Variants in CDC42BPG observed in about 807,000 individuals in gnomAD.
CDC42BPG encodes the protein serine/threonine-protein kinase MRCK gamma.
Under a neutral mutation model 192.2 loss-of-function variants are expected in CDC42BPG, and 157 were observed. The observed-to-expected ratio is 0.82, with a 90% CI of 0.72 to 0.93. The LOEUF (loss-of-function observed/expected upper bound fraction) is 0.93. CDC42BPG is among the 40% of genes least tolerant of loss of function. CDC42BPG has a pLI of 0.00. For synonymous variants in CDC42BPG, 981 were observed against 918.5 expected, an observed-to-expected ratio of 1.07 and a Z score of -1.23; for missense variants, 1,992 against 2,122.1, an observed-to-expected ratio of 0.94 and a Z score of 1.20.
intron 3 of CDC42BPG, 29 bp from the exon 4 acceptor site, chr11:64,840,677 G>C: frequency 3.1e-6 from 5 of 1,605,254 alleles, no homozygotes; most frequent in Non-Finnish European, 3.4e-6. Context: ...AGTAAGGGGT[G>C]GGGTGGGATC....
intron 36 of CDC42BPG, among the ~76,000 whole-genome samples, chr11:64,825,128 G>A (rs541852490): frequency 5.7e-4 from 87 of 152,188 alleles, no homozygotes; most frequent in Non-Finnish European, 1.0e-3. Flanking sequence ...TGTTGGCCAG[G>A]CTGGTCTTGA....
Position 64,824,381 on chromosome 11 carries a change from G to T in CDC42BPG, c.*92C>A. The T allele has an allele frequency of 1.0e-6, 1 of 953,068 alleles. No homozygotes were observed. The highest frequency in any genetic ancestry group is 1.7e-6 in the Non-Finnish European group (1 of 575,934). The allele number at this position is 953,068 out of a possible 1,614,324, so 59.0% of individuals were successfully genotyped here. On this transcript the variant is annotated 3_prime_UTR_variant, in exon 37 of 37. Transcript: ENST00000342711. ...GTCCTCCCTGAGTCCGAATTTCCAT[G>T]TCCCGGACCAGCCGGAGTATGGCAT...
At chr11:64,841,042 T>G (rs1206879624) in intron 3 of CDC42BPG, among the ~76,000 whole-genome samples, 1 of 151,976 alleles carries the variant, frequency 6.6e-6, no homozygotes, top group East Asian at 1.9e-4. Context: ...TCCCAGCTAC[T>G]TGGGAGGCTG....
chr11:64,832,681 T>G lies in CDC42BPG; in HGVS notation c.2928A>C (p.Ser976=). Reference sequence around the variant, plus strand: ...CAGGGGCGTCAAACAGCAGCAGGCGTGAGTCACTCAGGGCAGCAAACACGC... The same window carrying G: ...CAGGGGCGTCAAACAGCAGCAGGCGGGAGTCACTCAGGGCAGCAAACACGC... ...WQRVFAALSD[S]RLLLFDAPDL... The change falls in exon 26 of 37, where the codon TCA becomes TCC. Residue 976 remains serine (S), a synonymous_variant. Transcript: ENST00000342711. 1 of 1,613,490 alleles carries G rather than the reference T, an allele frequency of 6.2e-7. No homozygotes were observed. Among genetic ancestry groups the G allele is most frequent in the Non-Finnish European group, 8.5e-7 (1 of 1,179,936 alleles).
intron 27 of CDC42BPG, among the ~76,000 whole-genome samples, chr11:64,832,146 G>C (rs1357979122): frequency 6.6e-6 from 1 of 152,242 alleles, no homozygotes; most frequent in Non-Finnish European, 1.5e-5. Context: ...AGCAAGGTGT[G>C]ACCAGAGCAG....
At chr11:64,835,017 T>TAC in intron 17 of CDC42BPG, 30 bp downstream of exon 17, 10 of 1,571,804 alleles carry the variant, frequency 6.4e-6, no homozygotes, top group Non-Finnish European at 8.7e-6. Flanking sequence ...TCGCCTGCGT[T>TAC]CCCCACCCCG....
rs780721371 is a variant in CDC42BPG, at chr11:64,839,154, T to G, written c.755A>C (p.His252Pro). The change falls in exon 7 of 37, where the codon CAC becomes CCC. Residue 252 changes from histidine (H) to proline (P), a missense_variant. By Grantham distance (77) the His-to-Pro change is moderately conservative (BLOSUM62 -2). Transcript: ENST00000342711. Reference protein sequence around the residue: ...ILQAMEEGKGHYGPQCDWWSL... With the variant: ...ILQAMEEGKGPYGPQCDWWSL... ...CCACCAGTCACACTGTGGGCCGTAG[T>G]GGCCCTTGCCCTCCTCCATGGCCTG... The G allele has an allele frequency of 9.3e-6, 15 of 1,613,508 alleles. No homozygotes were observed. In the Middle Eastern group the frequency reaches 2.1e-3, roughly 231 times the overall value.
chr11:64,835,484 C>G lies in CDC42BPG; in HGVS notation c.1880+16G>C. On this transcript the variant is annotated intron_variant, in intron 15 of 36. Coordinates refer to ENST00000342711, the MANE Select transcript of CDC42BPG (RefSeq NM_017525.3). ...GCCAGGCCCGGCCCCTCCCTGCCAC[C>G]AGCTGCCTGGCTCACCTGTGGCTGT... The G allele has an allele frequency of 6.2e-7, 1 of 1,606,484 alleles. No homozygotes were observed. Among genetic ancestry groups the G allele is most frequent in the Non-Finnish European group, 8.5e-7 (1 of 1,177,766 alleles).
chr11:64,835,017 T>TG (rs1942908943), intron 17 of CDC42BPG, 30 bp downstream of exon 17: 232 of 1,571,152 alleles, frequency 1.5e-4, no homozygotes, highest in Non-Finnish European at 1.8e-4. Context: ...TCGCCTGCGT[T>TG]CCCCACCCCG....
chr11:64,824,784 G>A (rs962281344), intron 36 of CDC42BPG, among the ~76,000 whole-genome samples: 2 of 151,792 alleles, frequency 1.3e-5, no homozygotes, highest in African/African-American at 4.8e-5. Flanking sequence ...TTGCTCTGTC[G>A]CCTAGCCTGG....
At chr11:64,840,097 G>C (rs762346763) in intron 5 of CDC42BPG, 23 bp downstream of exon 5, 4 of 1,603,546 alleles carry the variant, frequency 2.5e-6, no homozygotes, top group Non-Finnish European at 3.4e-6. Context: ...GGGTTGGGCA[G>C]GGCAGCGGGG....
chr11:64,829,513 G>A lies in CDC42BPG; in HGVS notation c.3925C>T (p.Arg1309Cys), dbSNP rs376243853. Residue 1309 changes from arginine (R) to cysteine (C), a missense_variant, in exon 30 of 37, where the codon CGT (arginine) becomes TGT (cysteine). By Grantham distance (180) the Arg-to-Cys change is radical. This residue lies in a region of CDC42BPG where 1,656 missense variants were observed against 1,844.3 expected (regional missense o/e 0.90). Transcript: ENST00000342711. ...IYVDGAGRKSRGHELLWPAAP... is the reference protein window; with the variant it reads ...IYVDGAGRKSCGHELLWPAAP... ...GCTGGCCACAACAGCTCGTGGCCAC[G>A]AGACTTGCGGCCTGCGCCATCCACG... The A allele has an allele frequency of 2.0e-5, 32 of 1,612,814 alleles. No homozygotes were observed. The highest frequency in any genetic ancestry group is 1.6e-4 in the African/African-American group (12 of 74,948).
At position 64,831,628 on chromosome 11, in the gene CDC42BPG, G is replaced by A. The variant is rs1207533607; in HGVS notation, c.3181C>T (p.Leu1061=). The change falls in exon 28 of 37, where the codon CTG becomes TTG. Residue 1061 remains leucine (L), a synonymous_variant. Transcript: ENST00000342711. ...EGERERWLQV[L]GELQRLLLDA... ...AGCAGCAGCCGCTGCAGCTCACCCA[G>A]CACCTGCAGCCAGCGTTCCCGCTCC... 1 of 1,611,634 alleles carries A rather than the reference G, an allele frequency of 6.2e-7. No individual in the cohort carries two copies. The highest frequency in any genetic ancestry group is 8.5e-7 in the Non-Finnish European group (1 of 1,179,824).
At chr11:64,833,689 G>A (rs746386905) in intron 22 of CDC42BPG, 30 bp from the exon 23 acceptor site, 27 of 1,612,800 alleles carry the variant, frequency 1.7e-5, no homozygotes, top group East Asian at 4.5e-5. Context: ...CAGGTGAGAC[G>A]GGCAAGGGCG....
At chr11:64,832,387 G>A (rs1207298432) in intron 27 of CDC42BPG, 41 bp downstream of exon 27, 1 of 1,586,394 alleles carries the variant, frequency 6.3e-7, no homozygotes, top group Non-Finnish European at 8.6e-7. Flanking sequence ...ACAGCATGGG[G>A]AGGTGGATGG....
chr11:64,838,607 C>T (rs1943130458), intron 8 of CDC42BPG, 47 bp downstream of exon 8: 1 of 1,601,172 alleles, frequency 6.2e-7, no homozygotes, highest in Non-Finnish European at 8.5e-7. Flanking sequence ...CCCCAGCCAA[C>T]AAGGGGGTAG....
chr11:64,830,145 C>A, intron 29 of CDC42BPG, 49 bp downstream of exon 29: 2 of 1,612,860 alleles, frequency 1.2e-6, no homozygotes, highest in Non-Finnish European at 1.7e-6. Context: ...CCTCTGCCCG[C>A]TGGGGCTGCC....
In CDC42BPG at chr11:64,836,797, G is replaced by A; in HGVS notation, c.1326C>T (p.Asp442=). Residue 442 remains aspartate, a synonymous_variant, in exon 11 of 37, where the codon GAC becomes GAT. Coordinates refer to ENST00000342711, the MANE Select transcript of CDC42BPG (RefSeq NM_017525.3). ...KHQEALHAPT[D]HRELEQLRKE... ...TCCGTAGCTGCTCCAGCTCCCGATG[G>A]TCTGTGGGGGCGTGCAGGGCCTCTG... is the stretch of plus-strand genomic sequence containing the variant. 1 of 1,600,654 alleles carries A rather than the reference G, an allele frequency of 6.2e-7. No homozygotes were observed.
chr11:64,830,453 C>T, intron 28 of CDC42BPG, 197 bp from the exon 29 acceptor site: 1 of 616,008 alleles, frequency 1.6e-6, no homozygotes, highest in Admixed American at 2.7e-5. Flanking sequence ...GGCCCATCAT[C>T]TTGAGCTGTG....
Sources: gnomAD v4.1 joint callset for allele counts (sites outside exome capture counted in the v4.1 genomes callset) on GRCh38, gnomAD v4.1.1 for gene constraint, gnomAD v4.1.1 regional missense constraint, MANE v1.5 for transcripts, NCBI Gene and HGNC (gene_info 2026-07-23, HGNC 2026-07-21) for gene names.